FAM78B: variants seen among roughly 807,000 people sequenced by gnomAD.
FAM78B encodes the protein protein FAM78B.
In FAM78B, 10 loss-of-function variants were observed where a neutral mutation model predicts 20.0. The observed-to-expected ratio is 0.50, with a 90% CI of 0.31 to 0.85. The LOEUF (loss-of-function observed/expected upper bound fraction) is 0.85, where lower values mean the gene tolerates loss of function less well. FAM78B is among the 40% of genes least tolerant of loss of function. The probability of loss-of-function intolerance (pLI) is 0.05; values close to 1 mark genes in which losing one functional copy is unlikely to be tolerated. For missense variants in FAM78B, 283 were observed against 345.0 expected (o/e 0.82, Z 1.42); for synonymous variants, 135 against 132.8 (o/e 1.02, Z -0.12).
intron 1 of FAM78B, among the ~76,000 whole-genome samples, chr1:166,075,038 G>A (rs1652210126): frequency 6.6e-6 from 1 of 152,184 alleles, no homozygotes; most frequent in Non-Finnish European, 1.5e-5. Flanking sequence ...AGAGAACACT[G>A]GGAAGAGTGA....
At chr1:166,070,845 A>G in intron 1 of FAM78B, 82 bp from the exon 2 acceptor site, 3 of 1,430,300 alleles carry the variant, frequency 2.1e-6, no homozygotes, top group Non-Finnish European at 2.8e-6. Flanking sequence ...ACTGCTTACT[A>G]ACATAGTCAA....
At chr1:166,102,871 A>G (rs976180172) in intron 1 of FAM78B, among the ~76,000 whole-genome samples, 3 of 152,248 alleles carry the variant, frequency 2.0e-5, no homozygotes, top group South Asian at 4.1e-4. Context: ...ATAGACATCT[A>G]CAGAACTCTC....
chr1:166,131,041 G>C (rs1285779257), intron 1 of FAM78B, among the ~76,000 whole-genome samples: 1 of 144,414 alleles, frequency 6.9e-6, no homozygotes, highest in Non-Finnish European at 1.5e-5. Context: ...GCCCAGGCTA[G>C]AGTGCAGTGG....
At chr1:166,121,079 C>T (rs1439025015) in intron 1 of FAM78B, among the ~76,000 whole-genome samples, 1 of 152,138 alleles carries the variant, frequency 6.6e-6, no homozygotes, top group African/African-American at 2.4e-5. Context: ...GAGCCTCGGG[C>T]AATTTTTTTT....
intron 1 of FAM78B, among the ~76,000 whole-genome samples, chr1:166,084,799 C>T (rs568631075): frequency 8.5e-5 from 13 of 152,268 alleles, no homozygotes; most frequent in South Asian, 6.2e-4. Flanking sequence ...TTGCCACCTG[C>T]GCATCAGGTG....
At chr1:166,141,685 T>C (rs4656481) in intron 1 of FAM78B, among the ~76,000 whole-genome samples, 95,349 of 152,104 alleles carry the variant, frequency 0.63, 31,269 homozygotes, top group Non-Finnish European at 0.75. Context: ...TACGTATCTA[T>C]GTGAGGCCTG....
At chr1:166,093,937 G>A (rs183683531) in intron 1 of FAM78B, among the ~76,000 whole-genome samples, 2 of 151,834 alleles carry the variant, frequency 1.3e-5, no homozygotes, top group East Asian at 2.0e-4. Context: ...GACGGTGCAC[G>A]GGGAGAGAGG....
At chr1:166,159,526 T>C (rs1656059586) in intron 1 of FAM78B, among the ~76,000 whole-genome samples, 1 of 152,136 alleles carries the variant, frequency 6.6e-6, no homozygotes. Context: ...CCCTTTCACT[T>C]GCCAGTCTGC....
At chr1:166,120,748 AAGAGCAGGAG>A (rs55911712) in intron 1 of FAM78B, among the ~76,000 whole-genome samples, 24,756 of 152,136 alleles carry the variant, frequency 0.16, 2,139 homozygotes, top group East Asian at 0.27. Context: ...GGCTGTCCCC[AAGAGCAGGAG>A]CACGTGGTGA....
At chr1:166,077,669 A>G (rs1652334452) in intron 1 of FAM78B, among the ~76,000 whole-genome samples, 1 of 141,276 alleles carries the variant, frequency 7.1e-6, no homozygotes, top group Non-Finnish European at 1.5e-5. Context: ...ATAAATACAT[A>G]TAATTATATA....
chr1:166,152,897 C>T (rs991745596), intron 1 of FAM78B, among the ~76,000 whole-genome samples: 2 of 151,960 alleles, frequency 1.3e-5, no homozygotes, highest in South Asian at 2.1e-4. Context: ...AGGATGGTCT[C>T]GATTTCTTGA....
chr1:166,134,068 G>C (rs890332830), intron 1 of FAM78B, among the ~76,000 whole-genome samples: 2 of 152,182 alleles, frequency 1.3e-5, no homozygotes, highest in African/African-American at 4.8e-5. Flanking sequence ...TCAGAGAAAA[G>C]AAAGTTTGGG....
intron 1 of FAM78B, among the ~76,000 whole-genome samples, chr1:166,083,440 A>C (rs1169005835): frequency 6.6e-6 from 1 of 152,194 alleles, no homozygotes; most frequent in Non-Finnish European, 1.5e-5. Context: ...CCTTGGACAA[A>C]TCACTAAGCC....
intron 1 of FAM78B, among the ~76,000 whole-genome samples, chr1:166,132,158 A>C (rs1654898338): frequency 6.6e-6 from 1 of 152,242 alleles, no homozygotes; most frequent in Non-Finnish European, 1.5e-5. Context: ...AGTAAATATG[A>C]CATGTTTAGT....
At chr1:166,142,932 G>A (rs958229510) in intron 1 of FAM78B, among the ~76,000 whole-genome samples, 1 of 152,190 alleles carries the variant, frequency 6.6e-6, no homozygotes, top group Non-Finnish European at 1.5e-5. Context: ...GCTCAGTCCA[G>A]AGAGGGCCAT....
exon 3 of FAM78B, chr1:166,057,726 AAT>A (rs1217367834): frequency 6.6e-6 from 1 of 152,238 alleles, no homozygotes; most frequent in Non-Finnish European, 1.5e-5. Flanking sequence ...CCAAGGAGGA[AAT>A]GGTAAAGGAA....
intron 2 of FAM78B, among the ~76,000 whole-genome samples, chr1:166,062,677 C>T (rs1190494012): frequency 2.0e-5 from 3 of 152,192 alleles, no homozygotes; most frequent in Non-Finnish European, 4.4e-5. Context: ...TTCTTTCTTT[C>T]CTAATTAGAA....
At chr1:166,157,334 C>T (rs568703199) in intron 1 of FAM78B, among the ~76,000 whole-genome samples, 4 of 151,606 alleles carry the variant, frequency 2.6e-5, no homozygotes, top group East Asian at 3.9e-4. Context: ...ATTCCTAATC[C>T]GTATGGCATT....
chr1:166,059,713 T>C (rs1651502295), exon 3 of FAM78B: 1 of 152,356 alleles, frequency 6.6e-6, no homozygotes. Flanking sequence ...AAGCCTCTGC[T>C]GATTTGTGTG....
Sources: gnomAD v4.1 joint callset for allele counts (sites outside exome capture counted in the v4.1 genomes callset) on GRCh38, gnomAD v4.1.1 for gene constraint, MANE v1.5 for transcripts, NCBI Gene and HGNC (gene_info 2026-07-23, HGNC 2026-07-21) for gene names.